The following NAV1 variants were observed in gnomAD, a reference collection of about 807,000 sequenced individuals.
NAV1 encodes the protein neuron navigator 1.
NAV1 carries 18 observed loss-of-function variants against 175.2 expected under a neutral mutation model. That is an observed-to-expected ratio of 0.10 (90% CI 0.07 to 0.15). The LOEUF (loss-of-function observed/expected upper bound fraction) is 0.15, where lower values mean the gene tolerates loss of function less well. Ranked by LOEUF, NAV1 falls within the 10% of genes least tolerant of loss-of-function variation. The pLI, the probability that NAV1 is intolerant of heterozygous loss-of-function variation, is 1.00. For synonymous variants in NAV1, 897 were observed against 978.7 expected (o/e 0.92, Z 1.56); for missense variants, 1,731 against 2,436.6 (o/e 0.71, Z 6.10).
At chr1:201,690,139 C>T (rs1365696734) in intron 1 of NAV1, among the ~76,000 whole-genome samples, 2 of 122,956 alleles carry the variant, frequency 1.6e-5, no homozygotes, top group Non-Finnish European at 1.7e-5. Flanking sequence ...CTGGCCTGTC[C>T]GTGGCAGAGT....
chr1:201,639,676 CG>C (rs1317283165), intron 2 of NAV1, among the ~76,000 whole-genome samples: 2 of 151,640 alleles, frequency 1.3e-5, no homozygotes, highest in Non-Finnish European at 2.9e-5. Context: ...TCCCCTCCCA[CG>C]TCTGGAACAG....
intron 3 of NAV1, among the ~76,000 whole-genome samples, chr1:201,726,624 G>A (rs1430384752): frequency 2.1e-5 from 3 of 144,114 alleles, no homozygotes; most frequent in Admixed American, 7.4e-5. Flanking sequence ...CTCCAGCCTG[G>A]GCAACAAGAG....
At chr1:201,643,134 CCCTT>C (rs914820913) in intron 2 of NAV1, among the ~76,000 whole-genome samples, 4 of 145,008 alleles carry the variant, frequency 2.8e-5, no homozygotes, top group Non-Finnish European at 4.6e-5. Context: ...TTCCTTCTTT[CCCTT>C]CCTTCCTTCC....
chr1:201,816,342 G>A (rs983326326), intron 28 of NAV1, among the ~76,000 whole-genome samples: 4 of 152,098 alleles, frequency 2.6e-5, no homozygotes, highest in Non-Finnish European at 4.4e-5. Context: ...TTGCACTCCA[G>A]CCTGGGCAAC....
chr1:201,801,852 G>T (rs1281268945), intron 15 of NAV1, among the ~76,000 whole-genome samples: 4 of 152,116 alleles, frequency 2.6e-5, no homozygotes, highest in South Asian at 2.1e-4. Context: ...AGACATTGAG[G>T]GGGCCAAGCA....
At chr1:201,645,228 A>G (rs1016683064), upstream of NAV1, among the ~76,000 whole-genome samples, 6 of 152,258 alleles carry the variant, frequency 3.9e-5, no homozygotes. Context: ...GCCATAAAAA[A>G]TGATGAGTTC....
At chr1:201,739,607 G>T (rs534134260) in intron 3 of NAV1, 15 of 190,052 alleles carry the variant, frequency 7.9e-5, no homozygotes, top group Non-Finnish European at 1.3e-4. Flanking sequence ...GAGCGCCCAA[G>T]GGACCACAGC....
chr1:201,716,223 C>T (rs185525525), intron 2 of NAV1, among the ~76,000 whole-genome samples: 2 of 152,300 alleles, frequency 1.3e-5, no homozygotes, highest in African/African-American at 2.4e-5. Context: ...TAGCATCATC[C>T]TCTTCCTCCC....
intron 1 of NAV1, among the ~76,000 whole-genome samples, chr1:201,674,383 G>GCA (rs1458169876): frequency 6.6e-6 from 1 of 151,804 alleles, no homozygotes; most frequent in Non-Finnish European, 1.5e-5. Flanking sequence ...CCTGGAATGA[G>GCA]TGTGTGTTGG....
chr1:201,623,471 C>T, exon 1 of NAV1: 29 of 986,034 alleles, frequency 2.9e-5, no homozygotes, highest in Non-Finnish European at 3.5e-5. Context: ...GAGGGGGCAG[C>T]TTCGTGGGCT....
At chr1:201,586,492 T>G (rs374952771) in intron 1 of NAV1, among the ~76,000 whole-genome samples, 4 of 152,200 alleles carry the variant, frequency 2.6e-5, no homozygotes, top group African/African-American at 2.4e-5. Context: ...CAACAGAAAT[T>G]TATTTTCACA....
chr1:201,632,530 C>T (rs1366817322), intron 2 of NAV1, among the ~76,000 whole-genome samples: 1 of 152,236 alleles, frequency 6.6e-6, no homozygotes, highest in Non-Finnish European at 1.5e-5. Context: ...CAAGAGAAGC[C>T]AAGGCTGACG....
intron 2 of NAV1, among the ~76,000 whole-genome samples, chr1:201,642,525 TTTTCTTTCTTTC>T (rs762452787): frequency 2.0e-5 from 2 of 100,306 alleles, no homozygotes; most frequent in East Asian, 2.7e-4. Context: ...TTCTTTCTTT[TTTTCTTTCTTTC>T]TTTCTTTCTT....
Position 201,678,401 on chromosome 1 carries a change from G to T in NAV1, c.757+28976G>T, listed in dbSNP as rs147346833. On this transcript the variant is annotated intron_variant, in intron 1 of 29. Transcript: ENST00000367296. ...CTAAGCACTTTATGAGTAATAGTTTGATCAGTCTTTACTCCAACTCTTTGA... is the reference window on the plus strand; with the variant it reads ...CTAAGCACTTTATGAGTAATAGTTTTATCAGTCTTTACTCCAACTCTTTGA... 6.6e-5 allele frequency among the ~76,000 whole-genome samples: 10 copies of T among 152,238 alleles called. No individual in the cohort carries two copies. In the East Asian group the frequency reaches 1.9e-3, roughly 29 times the overall value.
chr1:201,791,129 G>T, intron 13 of NAV1: 1 of 238,188 alleles, frequency 4.2e-6, no homozygotes, highest in African/African-American at 2.2e-5. Flanking sequence ...TAATTATAGG[G>T]CTCTTAGAGC....
chr1:201,801,861 C>CA (rs1437518931), intron 15 of NAV1, among the ~76,000 whole-genome samples: 2 of 151,924 alleles, frequency 1.3e-5, no homozygotes, highest in Non-Finnish European at 2.9e-5. Flanking sequence ...GGGGGCCAAG[C>CA]ACGGTAGCTC....
intron 3 of NAV1, among the ~76,000 whole-genome samples, chr1:201,753,266 G>A (rs1414526579): frequency 6.6e-6 from 1 of 152,194 alleles, no homozygotes; most frequent in Non-Finnish European, 1.5e-5. Context: ...CTAGGAGACA[G>A]GATTGATGAG....
At chr1:201,709,571 A>C (rs7548794) in intron 1 of NAV1, among the ~76,000 whole-genome samples, 3,008 of 152,232 alleles carry the variant, frequency 0.02, 106 homozygotes, top group African/African-American at 0.069. Context: ...ATGTGGAGGA[A>C]GCCAGACTTA....
chr1:201,570,781 G>C (rs1270020783), intron 1 of NAV1, among the ~76,000 whole-genome samples: 1 of 152,162 alleles, frequency 6.6e-6, no homozygotes, highest in Non-Finnish European at 1.5e-5. Flanking sequence ...CAATGGAGGA[G>C]GCCTGTTCCC....
Sources: gnomAD v4.1 joint callset for allele counts (sites outside exome capture counted in the v4.1 genomes callset) on GRCh38, gnomAD v4.1.1 for gene constraint, MANE v1.5 for transcripts, NCBI Gene and HGNC (gene_info 2026-07-23, HGNC 2026-07-21) for gene names.